DMD: variants seen among roughly 807,000 people sequenced by gnomAD.
DMD encodes the protein mutant dystrophin.
DMD carries 63 observed loss-of-function variants against 330.1 expected under a neutral mutation model. The observed-to-expected ratio is 0.19, with a 90% CI of 0.16 to 0.24. The LOEUF is 0.24. Among genes scored for constraint, DMD ranks in the 10% least tolerant of loss-of-function variants. DMD has a pLI of 1.00. For synonymous variants in DMD, 1,223 were observed against 959.8 expected, an observed-to-expected ratio of 1.27 and a Z score of -5.07; for missense variants, 3,344 against 2,684.1, an observed-to-expected ratio of 1.25 and a Z score of -5.43.
At position 32,332,442 on chromosome X, in the gene DMD, G is replaced by GTGTGTGTC. The variant is rs1200347742; in HGVS notation, c.5922+9657_5922+9658insGACACACA. On this transcript the variant is annotated intron_variant, in intron 41 of 78. Transcript: ENST00000357033. ...TGTGTGTGTGTGTGTGTGTGTGTGT[G>GTGTGTGTC]TGGTGTATGTGCACACATGAGAAAG... 1.2e-4 allele frequency among the ~76,000 whole-genome samples: 13 copies of GTGTGTGTC among 109,706 alleles called. 1 individual carries two copies. In the East Asian group the frequency reaches 3.5e-3, roughly 29 times the overall value.
intron 17 of DMD, among the ~76,000 whole-genome samples, chrX:32,519,457 G>C (rs1036337596): frequency 9.0e-6 from 1 of 110,643 alleles, no homozygotes; most frequent in African/African-American, 3.3e-5. Flanking sequence ...TTACTTCAAC[G>C]GATATTCTAT....
chrX:32,479,356 T>A (rs2041582825), intron 21 of DMD, among the ~76,000 whole-genome samples: 1 of 111,334 alleles, frequency 9.0e-6, no homozygotes, highest in Non-Finnish European at 1.9e-5. Context: ...CACCACGCAG[T>A]ACTAGAGATC....
intron 64 of DMD, among the ~76,000 whole-genome samples, chrX:31,218,534 G>A (rs2045645403): frequency 9.0e-6 from 1 of 111,632 alleles, no homozygotes; most frequent in African/African-American, 3.3e-5. Context: ...GTTAAACTTG[G>A]CAACTATATA....
At chrX:32,479,448 C>A (rs1265294637) in intron 21 of DMD, among the ~76,000 whole-genome samples, 1 of 110,764 alleles carries the variant, frequency 9.0e-6, no homozygotes, top group Non-Finnish European at 1.9e-5. Context: ...CCTCTTCCCC[C>A]CAGTCTCTGG....
At chrX:33,328,590 A>C (rs780168294) in intron 1 of DMD, among the ~76,000 whole-genome samples, 4 of 111,054 alleles carry the variant, frequency 3.6e-5, no homozygotes, top group African/African-American at 9.8e-5. Flanking sequence ...ATCACGCATC[A>C]CTCTATACTT....
chrX:32,977,359 T>C (rs956739840), intron 2 of DMD, among the ~76,000 whole-genome samples: 1 of 111,453 alleles, frequency 9.0e-6, no homozygotes, highest in African/African-American at 3.3e-5. Context: ...ATACACCCAA[T>C]TGATTAAATT....
intron 54 of DMD, among the ~76,000 whole-genome samples, chrX:31,652,719 C>T (rs1035163895): frequency 3.6e-5 from 4 of 111,377 alleles, no homozygotes; most frequent in Non-Finnish European, 7.5e-5. Context: ...AATTAAAATA[C>T]ACTAATTAGC....
At chrX:32,844,417 A>AAAGAAAAGAAAAG (rs1557079053) in intron 4 of DMD, among the ~76,000 whole-genome samples, 13 of 59,242 alleles carry the variant, frequency 2.2e-4, no homozygotes, top group African/African-American at 1.6e-3. Flanking sequence ...AAAAAAAAAA[A>AAAGAAAAGAAAAG]AAAAGAAAAG....
At chrX:33,058,509 C>A in intron 1 of DMD, among the ~76,000 whole-genome samples, 1 of 106,805 alleles carries the variant, frequency 9.4e-6, no homozygotes, top group Non-Finnish European at 1.9e-5. Flanking sequence ...AACTATGTTG[C>A]CCAGGATAGT....
At chrX:31,765,621 A>C (rs2089943411) in intron 51 of DMD, among the ~76,000 whole-genome samples, 1 of 112,108 alleles carries the variant, frequency 8.9e-6, no homozygotes, top group African/African-American at 3.2e-5. Context: ...AGACTATTAA[A>C]ATATCTACTT....
At chrX:32,944,403 G>C (rs1344210918) in intron 2 of DMD, among the ~76,000 whole-genome samples, 2 of 111,403 alleles carry the variant, frequency 1.8e-5, no homozygotes, top group Non-Finnish European at 3.8e-5. Context: ...GCTTAATTAT[G>C]ATTGAATATT....
intron 62 of DMD, among the ~76,000 whole-genome samples, chrX:31,293,216 T>TGTGTGTGAGTGTGTGTGTAGTCTGGTTTA (rs2053883407): frequency 5.3e-5 from 5 of 94,343 alleles, no homozygotes; most frequent in African/African-American, 1.9e-4. Flanking sequence ...TGTGTGTGTG[T>TGTGTGTGAGTGTGTGTGTAGTCTGGTTTA]GTGTGTGTGT....
chrX:32,565,867 A>G lies in DMD; in HGVS notation c.1827T>C (p.Asp609=), dbSNP rs776654138. Residue 609 remains aspartate (D), a synonymous_variant, in exon 16 of 79, where the codon GAT becomes GAC. Coordinates refer to ENST00000357033, the MANE Select transcript of DMD (RefSeq NM_004006.3). ...CCATGGATTGCTTTTTCTTTTCTAG[A>G]TCCGCTTTTAAAACCTGTTAAAACA... The part of the protein sequence containing the change: ...SLQKLAVLKA[D]LEKKKQSMGK... 8.3e-7 allele frequency: 1 copy of G among 1,210,339 alleles called. No individual in the cohort carries two copies. Among genetic ancestry groups the G allele is most frequent in the Admixed American group, 2.2e-5 (1 of 45,928 alleles).
At chrX:32,205,005 T>TCTCTCACACACACACA (rs60181300) in intron 44 of DMD, among the ~76,000 whole-genome samples, 2 of 29,229 alleles carry the variant, frequency 6.8e-5, no homozygotes, top group African/African-American at 2.3e-4. Context: ...TCTCTCTCTC[T>TCTCTCACACACACACA]CACATACACA....
chrX:31,458,514 CAAAAAAA>C (rs199537077), intron 59 of DMD, among the ~76,000 whole-genome samples: 2 of 53,373 alleles, frequency 3.7e-5, no homozygotes, highest in African/African-American at 6.0e-5. Flanking sequence ...ATGTGATTTC[CAAAAAAA>C]AAAAAAAAAA....
intron 2 of DMD, among the ~76,000 whole-genome samples, chrX:32,913,900 A>G (rs1464809428): frequency 8.9e-6 from 1 of 111,903 alleles, no homozygotes; most frequent in African/African-American, 3.2e-5. Context: ...GGGTCTTCAC[A>G]GGATTGAACA....
intron 50 of DMD, among the ~76,000 whole-genome samples, chrX:31,793,704 T>C (rs2091686251): frequency 8.9e-6 from 1 of 111,976 alleles, no homozygotes; most frequent in African/African-American, 3.3e-5. Context: ...AACAGTTGTA[T>C]GAGTACTTGA....
At chrX:32,131,504 C>T (rs1306221735) in intron 44 of DMD, among the ~76,000 whole-genome samples, 5 of 111,627 alleles carry the variant, frequency 4.5e-5, no homozygotes, top group African/African-American at 1.6e-4. Context: ...GCCTGTCTAG[C>T]CAAATAAAAT....
intron 48 of DMD, among the ~76,000 whole-genome samples, chrX:31,874,210 C>G (rs886930592): frequency 2.7e-5 from 3 of 110,985 alleles, no homozygotes; most frequent in African/African-American, 3.3e-5. Context: ...TCAAAATAAA[C>G]TGAAAGAAGT....
Sources: gnomAD v4.1 joint callset for allele counts (sites outside exome capture counted in the v4.1 genomes callset) on GRCh38, gnomAD v4.1.1 for gene constraint, MANE v1.5 for transcripts, NCBI Gene and HGNC (gene_info 2026-07-23, HGNC 2026-07-21) for gene names.